The following NTN1 variants were observed in gnomAD, a reference collection of about 807,000 sequenced individuals.
NTN1 encodes netrin 1.
NTN1 carries 11 observed loss-of-function variants against 54.2 expected under a neutral mutation model. The observed-to-expected ratio is 0.20, with a 90% CI of 0.13 to 0.34. NTN1 has a LOEUF of 0.34. Among genes scored for constraint, NTN1 ranks in the 10% least tolerant of loss-of-function variants. NTN1 has a pLI of 1.00. For missense variants in NTN1, 740 were observed against 893.1 expected (o/e 0.83, Z 2.18); for synonymous variants, 371 against 382.0 (o/e 0.97, Z 0.33).
chr17:9,198,610 G>A (rs961652865), intron 5 of NTN1, among the ~76,000 whole-genome samples: 14 of 152,292 alleles, frequency 9.2e-5, no homozygotes, highest in Admixed American at 9.2e-4. Flanking sequence ...GAAAAACCTG[G>A]TGGTTATTCT....
intron 2 of NTN1, among the ~76,000 whole-genome samples, chr17:9,047,477 G>A (rs531408231): frequency 2.3e-4 from 35 of 152,108 alleles, no homozygotes; most frequent in Non-Finnish European, 3.4e-4. Context: ...CATAAGAAGC[G>A]ACTCGTCATC....
At position 9,165,897 on chromosome 17, in the gene NTN1, CTGAT is replaced by C. The variant is rs2092371723; in HGVS notation, c.1207+2899_1207+2902del. 6.6e-6 allele frequency among the ~76,000 whole-genome samples: 1 copy of C among 152,300 alleles called. No individual in the cohort carries two copies. Among genetic ancestry groups the C allele is most frequent in the East Asian group, 1.9e-4 (1 of 5,188 alleles). On this transcript the variant is annotated intron_variant, in intron 3 of 6. Transcript: ENST00000173229. This position sits in a 1 kb window ranked among gnomAD's most constrained non-coding sequence, Gnocchi z 4.5. The stretch of plus-strand genomic sequence containing the variant: ...TGATTGGCAAGAAAATATCTACTCT[CTGAT>C]TGGTGAGCAAAAATTTGACCCAAGA...
chr17:9,072,219 G>A (rs549718495), intron 2 of NTN1, among the ~76,000 whole-genome samples: 2 of 151,546 alleles, frequency 1.3e-5, no homozygotes, highest in East Asian at 3.9e-4. Flanking sequence ...GCCCCCTCCC[G>A]GGTGGCCCTG....
At chr17:9,103,598 G>A (rs2142244222) in intron 2 of NTN1, among the ~76,000 whole-genome samples, 1 of 152,224 alleles carries the variant, frequency 6.6e-6, no homozygotes, top group South Asian at 2.1e-4. Flanking sequence ...ATGGTGAACT[G>A]TGAGTCAATT....
chr17:9,232,195 C>T (rs928621902), intron 6 of NTN1, among the ~76,000 whole-genome samples: 11 of 152,316 alleles, frequency 7.2e-5, no homozygotes, highest in South Asian at 2.1e-4. Flanking sequence ...GAGGCGGCTG[C>T]GGCTTCCTCC....
chr17:9,023,009 G>C lies in NTN1; in HGVS notation c.636G>C (p.Pro212=). The change falls in exon 2 of 7, where the codon CCG becomes CCC. Residue 212 remains proline (P), a synonymous_variant. Coordinates refer to ENST00000173229, the MANE Select transcript of NTN1 (RefSeq NM_004822.3). ...CCGACTCGCACACCGACATGCGCCC[G>C]CTCTCGGGCGGCCTCATCGCCTTCA... The part of the protein sequence containing the change: ...VCTDSHTDMR[P]LSGGLIAFST... 1.9e-6 allele frequency: 3 copies of C among 1,605,704 alleles called. No individual in the cohort carries two copies. The South Asian group carries it at 3.3e-5, about 18-fold the overall frequency.
intron 2 of NTN1, among the ~76,000 whole-genome samples, chr17:9,037,205 C>T (rs551535999): frequency 6.6e-6 from 1 of 152,322 alleles, no homozygotes. Flanking sequence ...TAATTGAAAT[C>T]ATACTGTATG....
chr17:9,038,264 T>A (rs1224415614), intron 2 of NTN1, among the ~76,000 whole-genome samples: 4 of 33,064 alleles, frequency 1.2e-4, no homozygotes, highest in African/African-American at 4.4e-4. Flanking sequence ...TTTCTCTCTC[T>A]CCACACACAC....
Position 9,241,860 on chromosome 17 carries a change from A to G in NTN1, c.*1892A>G, listed in dbSNP as rs1906225325. 6.6e-6 allele frequency: 1 copy of G among 152,242 alleles called. No individual in the cohort carries two copies. The highest frequency in any genetic ancestry group is 2.4e-5 in the African/African-American group (1 of 41,448). The allele number at this position is 152,242 out of a possible 1,614,324, so 9.4% of individuals were successfully genotyped here. On this transcript the variant is annotated 3_prime_UTR_variant, in exon 7 of 7. Transcript: ENST00000173229. ...AACTCCAGAGCCCGACTTTCTGACCAGGGGCCACGCTGGCCCTCACTGCAC... is the reference window on the plus strand; with the variant it reads ...AACTCCAGAGCCCGACTTTCTGACCGGGGGCCACGCTGGCCCTCACTGCAC...
intron 2 of NTN1, among the ~76,000 whole-genome samples, chr17:9,076,016 G>C (rs887573095): frequency 5.3e-5 from 8 of 152,322 alleles, no homozygotes; most frequent in African/African-American, 1.9e-4. Flanking sequence ...CTGAATCCTG[G>C]GGCTCCTTGA....
At chr17:9,146,622 C>T (rs1223170155) in intron 2 of NTN1, among the ~76,000 whole-genome samples, 3 of 144,152 alleles carry the variant, frequency 2.1e-5, no homozygotes, top group Non-Finnish European at 3.0e-5. Context: ...GGTCTTTAGA[C>T]ACACCCTGGG....
the NTN1 span, among the ~76,000 whole-genome samples, chr17:9,015,586 T>C: frequency 6.6e-6 from 1 of 152,000 alleles, no homozygotes; most frequent in Non-Finnish European, 1.5e-5. Flanking sequence ...GAGTGTACCC[T>C]CCCCTGTATC....
rs969763725 is a variant in NTN1, at chr17:9,240,038, C to A, written c.*70C>A. 3.2e-6 allele frequency: 3 copies of A among 937,568 alleles called. No homozygotes were observed. In the South Asian group the frequency reaches 1.5e-4, roughly 48 times the overall value. The allele number at this position is 937,568 out of a possible 1,614,324, so 58.1% of individuals were successfully genotyped here. A position where few individuals can be genotyped will look rare whatever the true frequency, so the allele number is the denominator to read the frequency against. On this transcript the variant is annotated 3_prime_UTR_variant, in exon 7 of 7. Transcript: ENST00000173229. ...CCGAGCGAGAGCGGGCGCCTTGGCCCGGCCGCCGCGGACTTGGCCCGCGAG... is the reference window on the plus strand; with the variant it reads ...CCGAGCGAGAGCGGGCGCCTTGGCCAGGCCGCCGCGGACTTGGCCCGCGAG...
chr17:9,004,603 C>T, the NTN1 span, among the ~76,000 whole-genome samples: 2 of 152,226 alleles, frequency 1.3e-5, no homozygotes, highest in Non-Finnish European at 2.9e-5. Context: ...ATCGTGCGCT[C>T]CCGCCGCAGC....
At chr17:9,123,373 A>G (rs936825879) in intron 2 of NTN1, among the ~76,000 whole-genome samples, 6 of 152,230 alleles carry the variant, frequency 3.9e-5, no homozygotes, top group Non-Finnish European at 5.9e-5. Context: ...AACTCCTTAC[A>G]TATGAAAGAT....
intron 2 of NTN1, among the ~76,000 whole-genome samples, chr17:9,133,754 A>ATT (rs57053201): frequency 0.47 from 49,291 of 104,244 alleles, 12,933 homozygotes; most frequent in African/African-American, 0.69. Flanking sequence ...TGCCCAGCTA[A>ATT]TTTTTTTTTT....
At position 9,219,174 on chromosome 17, in the gene NTN1, C is replaced by CGGTGCTGAT. The variant is rs1217447780; in HGVS notation, c.1412-1982_1412-1974dup. ...TGTTCCTCACAGGGAAGTGCGGCCG[C>CGGTGCTGAT]GGTGCTGATGGTGCTGATGGCGCCG... On this transcript the variant is annotated intron_variant, in intron 5 of 6. Coordinates refer to ENST00000173229, the MANE Select transcript of NTN1 (RefSeq NM_004822.3). This position sits in a 1 kb window ranked among gnomAD's most constrained non-coding sequence, Gnocchi z 4.5. Among the ~76,000 whole-genome samples, 2 of 152,290 alleles carry CGGTGCTGAT rather than the reference C, an allele frequency of 1.3e-5. No individual in the cohort carries two copies. The highest frequency in any genetic ancestry group is 2.1e-4 in the South Asian group (1 of 4,828).
intron 2 of NTN1, among the ~76,000 whole-genome samples, chr17:9,074,462 T>A (rs2092042660): frequency 6.6e-6 from 1 of 152,248 alleles, no homozygotes; most frequent in African/African-American, 2.4e-5. Flanking sequence ...GAAATTCATC[T>A]GCACCACTGG....
At chr17:9,012,284 G>T in the NTN1 span, among the ~76,000 whole-genome samples, 1 of 152,060 alleles carries the variant, frequency 6.6e-6, no homozygotes, top group Admixed American at 6.5e-5. Context: ...GGCCGAGGTG[G>T]GTGGATCACC....
Sources: allele counts gnomAD v4.1 joint callset (sites outside exome capture counted in the v4.1 genomes callset), GRCh38; gene constraint gnomAD v4.1.1; non-coding constraint Gnocchi (gnomAD v3.1); transcripts MANE v1.5; gene names NCBI Gene and HGNC (gene_info 2026-07-23, HGNC 2026-07-21).